Variants in FBXL17 observed in about 807,000 individuals in gnomAD.
The protein encoded by FBXL17 is F-box/LRR-repeat protein 17.
A neutral mutation model predicts 66.2 loss-of-function variants in FBXL17; 22 were observed. That is an observed-to-expected ratio of 0.33 (90% CI 0.24 to 0.47). The LOEUF is 0.47. Ranked by LOEUF, FBXL17 falls within the 20% of genes least tolerant of loss-of-function variation. FBXL17 has a pLI of 1.00. For synonymous variants in FBXL17, 474 were observed against 400.5 expected, an observed-to-expected ratio of 1.18 and a Z score of -2.19; for missense variants, 878 against 948.2, an observed-to-expected ratio of 0.93 and a Z score of 0.97.
chr5:107,986,714 G>A (rs546723365), intron 7 of FBXL17, among the ~76,000 whole-genome samples: 1 of 151,882 alleles, frequency 6.6e-6, no homozygotes, highest in African/African-American at 2.4e-5. Context: ...AAAAGATAAA[G>A]CAGATTTTAC....
chr5:107,926,002 C>T (rs1406206242), intron 7 of FBXL17, among the ~76,000 whole-genome samples: 1 of 152,148 alleles, frequency 6.6e-6, no homozygotes, highest in Non-Finnish European at 1.5e-5. Flanking sequence ...CATCTAACAT[C>T]GACTGAGCAC....
chr5:108,322,035 T>A (rs949060254), intron 4 of FBXL17, among the ~76,000 whole-genome samples: 2 of 151,808 alleles, frequency 1.3e-5, no homozygotes, highest in African/African-American at 4.8e-5. Context: ...AAAAATTGAA[T>A]AGCTTAACAA....
chr5:108,341,230 G>C (rs1051298514), intron 4 of FBXL17, among the ~76,000 whole-genome samples: 2 of 151,994 alleles, frequency 1.3e-5, no homozygotes, highest in Non-Finnish European at 2.9e-5. Flanking sequence ...GCAAATTGTA[G>C]ACTCATATAT....
intron 6 of FBXL17, among the ~76,000 whole-genome samples, chr5:108,173,556 C>A (rs1165411072): frequency 1.3e-5 from 2 of 152,156 alleles, no homozygotes; most frequent in African/African-American, 4.8e-5. Context: ...CTTCCTTTAA[C>A]ACGTGTTTCT....
intron 6 of FBXL17, among the ~76,000 whole-genome samples, chr5:108,030,232 C>G (rs1406804409): frequency 2.6e-5 from 4 of 152,072 alleles, no homozygotes; most frequent in Non-Finnish European, 5.9e-5. Context: ...GGATTAGTCA[C>G]CAGTCTATTC....
At chr5:108,270,323 GGCT>G (rs1435953873) in intron 4 of FBXL17, among the ~76,000 whole-genome samples, 1 of 151,694 alleles carries the variant, frequency 6.6e-6, no homozygotes, top group Non-Finnish European at 1.5e-5. Context: ...GGTTGAGAAA[GGCT>G]GTTTCCTCCA....
intron 7 of FBXL17, among the ~76,000 whole-genome samples, chr5:107,895,173 A>C (rs1749332755): frequency 6.6e-6 from 1 of 151,964 alleles, no homozygotes; most frequent in Non-Finnish European, 1.5e-5. Context: ...CTTTATTGTG[A>C]TTAATCTCTG....
chr5:107,893,215 A>G (rs892767575), intron 7 of FBXL17, among the ~76,000 whole-genome samples: 2 of 152,188 alleles, frequency 1.3e-5, no homozygotes, highest in Non-Finnish European at 2.9e-5. Context: ...AAAACAGTTG[A>G]GGTGCATAGA....
intron 7 of FBXL17, among the ~76,000 whole-genome samples, chr5:107,994,559 G>A (rs187575447): frequency 6.6e-6 from 1 of 152,112 alleles, no homozygotes; most frequent in African/African-American, 2.4e-5. Flanking sequence ...CCTATACAAG[G>A]CTGGGCACGG....
At chr5:108,371,263 G>C (rs1290904880) in intron 1 of FBXL17, among the ~76,000 whole-genome samples, 2 of 152,192 alleles carry the variant, frequency 1.3e-5, no homozygotes, top group Non-Finnish European at 2.9e-5. Context: ...TTGGGGAAGA[G>C]AACTCTGTGG....
chr5:108,155,092 C>T (rs866259195), intron 6 of FBXL17, among the ~76,000 whole-genome samples: 4 of 152,122 alleles, frequency 2.6e-5, no homozygotes, highest in African/African-American at 9.7e-5. Flanking sequence ...AAATTAAACA[C>T]ATATAAACTC....
At chr5:108,083,248 C>CAG (rs1422590389) in intron 6 of FBXL17, among the ~76,000 whole-genome samples, 3 of 135,548 alleles carry the variant, frequency 2.2e-5, no homozygotes, top group Admixed American at 7.2e-5. Context: ...CACACACACA[C>CAG]ACAGAGAGAG....
chr5:108,329,287 A>T (rs186988720), intron 4 of FBXL17, among the ~76,000 whole-genome samples: 1 of 152,162 alleles, frequency 6.6e-6, no homozygotes, highest in African/African-American at 2.4e-5. Flanking sequence ...TTTGCCTTAG[A>T]TGGACTACCA....
intron 7 of FBXL17, among the ~76,000 whole-genome samples, chr5:107,986,069 C>G (rs1387765784): frequency 6.6e-6 from 1 of 152,060 alleles, no homozygotes; most frequent in Non-Finnish European, 1.5e-5. Flanking sequence ...AATAAGTCTA[C>G]TCTTTTGACT....
chr5:108,154,106 C>T (rs981330141), intron 6 of FBXL17, among the ~76,000 whole-genome samples: 1 of 152,014 alleles, frequency 6.6e-6, no homozygotes, highest in African/African-American at 2.4e-5. Flanking sequence ...GGTTACTTTA[C>T]TCAACTGTGT....
chr5:107,916,807 C>G (rs1022426016), intron 7 of FBXL17, among the ~76,000 whole-genome samples: 1 of 152,132 alleles, frequency 6.6e-6, no homozygotes, highest in Non-Finnish European at 1.5e-5. Flanking sequence ...CATAGTTCAC[C>G]TTCAGAACAG....
chr5:108,338,417 T>A (rs944282246), intron 4 of FBXL17, among the ~76,000 whole-genome samples: 2 of 152,154 alleles, frequency 1.3e-5, no homozygotes, highest in Non-Finnish European at 2.9e-5. Context: ...TTTATATGTT[T>A]TATTAAAGTG....
chr5:108,331,343 C>A (rs572193031), intron 4 of FBXL17, among the ~76,000 whole-genome samples: 5 of 152,246 alleles, frequency 3.3e-5, no homozygotes, highest in African/African-American at 9.6e-5. Context: ...CTGGAGAAAA[C>A]TCCATCTGTA....
intron 5 of FBXL17, among the ~76,000 whole-genome samples, chr5:108,206,581 T>C (rs1214883475): frequency 6.6e-6 from 1 of 152,194 alleles, no homozygotes; most frequent in Non-Finnish European, 1.5e-5. Flanking sequence ...TCTTTGTAAC[T>C]TGACAATCAT....
Sources: allele counts gnomAD v4.1 joint callset (sites outside exome capture counted in the v4.1 genomes callset), GRCh38; gene constraint gnomAD v4.1.1; transcripts MANE v1.5; gene names NCBI Gene and HGNC (gene_info 2026-07-23, HGNC 2026-07-21).